CNTLN: variants seen among roughly 807,000 people sequenced by gnomAD.
The protein encoded by CNTLN is centlein.
In CNTLN, 212 loss-of-function variants were observed where a neutral mutation model predicts 180.0. That is an observed-to-expected ratio of 1.18 (90% confidence interval 1.05 to 1.32). The LOEUF is 1.32. Ranked by LOEUF, CNTLN falls within the 40% of genes most tolerant of loss-of-function variation. The pLI, the probability that CNTLN is intolerant of heterozygous loss-of-function variation, is 0.00. For synonymous variants in CNTLN, 722 were observed against 563.1 expected (o/e 1.28, Z -3.99); for missense variants, 2,095 against 1,610.9 (o/e 1.30, Z -5.14).
At chr9:17,302,756 A>G (rs1190461765) in intron 7 of CNTLN, among the ~76,000 whole-genome samples, 3 of 152,148 alleles carry the variant, frequency 2.0e-5, no homozygotes, top group Non-Finnish European at 2.9e-5. Flanking sequence ...TTAATGTTTG[A>G]CTTTGGGTGG....
chr9:17,342,049 T>G (rs575485505), intron 11 of CNTLN, among the ~76,000 whole-genome samples: 2 of 152,258 alleles, frequency 1.3e-5, no homozygotes, highest in African/African-American at 4.8e-5. Flanking sequence ...CAGTGTCTGT[T>G]TTCATTACTA....
chr9:17,380,668 T>C (rs569206774), intron 13 of CNTLN, among the ~76,000 whole-genome samples: 3 of 152,216 alleles, frequency 2.0e-5, no homozygotes, highest in Non-Finnish European at 4.4e-5. Flanking sequence ...CAGTCTTTAC[T>C]GAGTCACAAG....
intron 2 of CNTLN, among the ~76,000 whole-genome samples, chr9:17,179,351 C>T (rs955597443): frequency 6.6e-6 from 1 of 151,104 alleles, no homozygotes; most frequent in Non-Finnish European, 1.5e-5. Flanking sequence ...GCTGCTTTAA[C>T]TTCATCCCCC....
rs1456698247 is a variant in CNTLN, at chr9:17,466,715, C to G, written c.3679C>G (p.Leu1227Val). 2 of 1,607,898 alleles carry G rather than the reference C, an allele frequency of 1.2e-6. No individual in the cohort carries two copies. The highest frequency in any genetic ancestry group is 1.7e-6 in the Non-Finnish European group (2 of 1,176,572). Residue 1227 changes from leucine (L) to valine (V), a missense_variant, in exon 23 of 26, where the codon CTT (leucine) becomes GTT (valine). Transcript: ENST00000380647. ...KEELEKKDLK[L>V]TLLVSRISET... ...TGCTGATCTTTTGCAGGATCTCAAG[C>G]TTACTCTCCTAGTATCAAGAATAAG...
At chr9:17,302,646 A>G (rs765413515) in intron 7 of CNTLN, among the ~76,000 whole-genome samples, 1 of 152,196 alleles carries the variant, frequency 6.6e-6, no homozygotes, top group African/African-American at 2.4e-5. Flanking sequence ...ATTGCATGCT[A>G]TGATGTCCCA....
chr9:17,180,564 C>G lies in CNTLN; in HGVS notation c.449+37188C>G, dbSNP rs183784764. Among the ~76,000 whole-genome samples the G allele has an allele frequency of 1.6e-3, 239 of 151,830 alleles. 1 individual carries two copies. Among genetic ancestry groups the G allele is most frequent in the African/African-American group, 5.5e-3 (230 of 41,464 alleles). On this transcript the variant is annotated intron_variant, in intron 2 of 25. Transcript: ENST00000380647. The stretch of plus-strand genomic sequence containing the variant: ...ATACTTTTTGTTTCAGCCATCAAAC[C>G]TAATTTAGAAAACTGAAGAAGACAA...
intron 13 of CNTLN, among the ~76,000 whole-genome samples, chr9:17,370,690 AC>A (rs1481877036): frequency 4.6e-5 from 7 of 152,220 alleles, no homozygotes; most frequent in Non-Finnish European, 8.8e-5. Flanking sequence ...TATACAAACT[AC>A]TCTTAAGTAG....
chr9:17,399,896 A>C lies in CNTLN; in HGVS notation c.2615+4827A>C, dbSNP rs942877372. 2.6e-5 allele frequency among the ~76,000 whole-genome samples: 4 copies of C among 152,226 alleles called. No homozygotes were observed. In the East Asian group the frequency reaches 7.7e-4, roughly 29 times the overall value. On this transcript the variant is annotated intron_variant, in intron 15 of 25. Transcript: ENST00000380647. ...AAGTGTCCCCCAGTTTACTATGCTTAGCTCATACTCTTTTGTCTTACCACA... is the reference window on the plus strand; with the variant it reads ...AAGTGTCCCCCAGTTTACTATGCTTCGCTCATACTCTTTTGTCTTACCACA...
At chr9:17,244,067 T>C (rs1449138196) in intron 5 of CNTLN, among the ~76,000 whole-genome samples, 2 of 152,210 alleles carry the variant, frequency 1.3e-5, no homozygotes, top group Admixed American at 6.5e-5. Flanking sequence ...ATGATCTTTA[T>C]TTCTTTTTAT....
Position 17,332,630 on chromosome 9 carries a change from C to G in CNTLN, c.1544C>G (p.Ser515Cys). The G allele has an allele frequency of 6.2e-7, 1 of 1,608,482 alleles. No homozygotes were observed. The highest frequency in any genetic ancestry group is 8.5e-7 in the Non-Finnish European group (1 of 1,177,514). Reference sequence around the variant, plus strand: ...GAACCACCTGTGAAACGTTCAAGGTCTTTGTCCCCAAAGAGCTCTTTCACA... The same window carrying G: ...GAACCACCTGTGAAACGTTCAAGGTGTTTGTCCCCAAAGAGCTCTTTCACA... ...HKEPPVKRSR[S>C]LSPKSSFTDS... The change falls in exon 10 of 26, where the codon TCT becomes TGT. Residue 515 changes from serine to cysteine, a missense_variant. By Grantham distance (112) the Ser-to-Cys change is moderately radical. Transcript: ENST00000380647.
At chr9:17,225,481 C>A (rs1824407955) in intron 2 of CNTLN, among the ~76,000 whole-genome samples, 1 of 151,866 alleles carries the variant, frequency 6.6e-6, no homozygotes, top group Non-Finnish European at 1.5e-5. Flanking sequence ...TTATTTGTGA[C>A]CTTTTAAAAA....
At chr9:17,369,891 T>A (rs1014410737) in intron 13 of CNTLN, among the ~76,000 whole-genome samples, 2 of 150,368 alleles carry the variant, frequency 1.3e-5, no homozygotes. Context: ...GGAGGCTGAG[T>A]CAGGGGAATC....
At chr9:17,321,348 T>G (rs1222746841) in intron 8 of CNTLN, among the ~76,000 whole-genome samples, 8 of 152,194 alleles carry the variant, frequency 5.3e-5, no homozygotes, top group Admixed American at 4.6e-4. Context: ...ATGTTAAACT[T>G]AATTGTTTTC....
intron 16 of CNTLN, among the ~76,000 whole-genome samples, chr9:17,415,083 C>G (rs1339688336): frequency 6.7e-6 from 1 of 150,022 alleles, no homozygotes; most frequent in East Asian, 1.9e-4. Flanking sequence ...CAAACTCTGT[C>G]TCAAAAGAAA....
At chr9:17,294,745 C>T (rs1162593429) in intron 6 of CNTLN, among the ~76,000 whole-genome samples, 1 of 123,080 alleles carries the variant, frequency 8.1e-6, no homozygotes, top group East Asian at 2.6e-4. Flanking sequence ...GTCGGGGAGG[C>T]TGTGGCTGCG....
intron 15 of CNTLN, among the ~76,000 whole-genome samples, chr9:17,408,587 G>A (rs565837524): frequency 6.6e-6 from 1 of 152,078 alleles, no homozygotes; most frequent in Admixed American, 6.5e-5. Context: ...AGATCACGAG[G>A]TCAGGAGATC....
At chr9:17,293,017 C>T (rs1394496400) in intron 6 of CNTLN, among the ~76,000 whole-genome samples, 1 of 152,116 alleles carries the variant, frequency 6.6e-6, no homozygotes. Context: ...ACATTCAGGC[C>T]CCTCTTCCGG....
intron 2 of CNTLN, among the ~76,000 whole-genome samples, chr9:17,213,214 C>G (rs967079124): frequency 3.3e-5 from 5 of 152,192 alleles, no homozygotes; most frequent in African/African-American, 4.8e-5. Flanking sequence ...TTTCCCTCTA[C>G]ACACTGCTTT....
intron 15 of CNTLN, among the ~76,000 whole-genome samples, chr9:17,401,985 G>T (rs1827013954): frequency 6.6e-6 from 1 of 151,782 alleles, no homozygotes; most frequent in South Asian, 2.1e-4. Flanking sequence ...TAGAAAATGG[G>T]CAGTGCTATG....
Sources: gnomAD v4.1 joint callset for allele counts (sites outside exome capture counted in the v4.1 genomes callset) on GRCh38, gnomAD v4.1.1 for gene constraint, MANE v1.5 for transcripts, NCBI Gene and HGNC (gene_info 2026-07-23, HGNC 2026-07-21) for gene names.